The following FAM107A variants were observed in gnomAD, a reference collection of about 807,000 sequenced individuals.
FAM107A encodes family with sequence similarity 107 member A.
In FAM107A, 19 loss-of-function variants were observed where a neutral mutation model predicts 13.7. The observed-to-expected ratio is 1.38, with a 90% CI of 0.97 to 2.03. FAM107A has a LOEUF of 2.03. Among genes scored for constraint, FAM107A ranks in the 30% most tolerant of loss-of-function variants. The pLI is 0.00. For synonymous variants in FAM107A, 82 were observed against 74.5 expected (o/e 1.10, Z -0.52); for missense variants, 203 against 184.4 (o/e 1.10, Z -0.58).
exon 1 of FAM107A, chr3:58,587,025 C>G: frequency 7.3e-7 from 1 of 1,371,634 alleles, no homozygotes; most frequent in Non-Finnish European, 9.4e-7. Flanking sequence ...GCCTCCGCGA[C>G]GGTGACGCGG....
At chr3:58,587,436 G>A (rs28504201), upstream of FAM107A, among the ~76,000 whole-genome samples, 19,477 of 151,862 alleles carry the variant, frequency 0.13, 1,591 homozygotes, top group African/African-American at 0.23. Flanking sequence ...AATAACCAGA[G>A]TACTTTCCTC....
exon 1 of FAM107A, chr3:58,587,060 G>T: frequency 7.3e-7 from 1 of 1,364,834 alleles, no homozygotes; most frequent in East Asian, 3.1e-5. Flanking sequence ...CCCCGCTGAG[G>T]GTCAAGTTAC....
intron 1 of FAM107A, among the ~76,000 whole-genome samples, chr3:58,614,108 T>C (rs561030400): frequency 3.3e-5 from 5 of 152,326 alleles, no homozygotes; most frequent in African/African-American, 1.2e-4. Flanking sequence ...AGAGAGCCCG[T>C]AGCCATTTCA....
Position 58,620,252 on chromosome 3 carries a change from C to T in FAM107A, c.-70+7164G>A, listed in dbSNP as rs560863433. 3.3e-5 allele frequency among the ~76,000 whole-genome samples: 5 copies of T among 152,244 alleles called. No homozygotes were observed. The South Asian group carries it at 8.3e-4, about 25-fold the overall frequency. The stretch of plus-strand genomic sequence containing the variant: ...GAGTGTGATGGGGTTTGCCCTAGTC[C>T]GGGGAAGTGGGGAGAGTGATGGTGT... On this transcript the variant is annotated intron_variant, in intron 1 of 3. Transcript: ENST00000465970.
rs763677474 is a variant in FAM107A at position 58,566,420 on chromosome 3, C to T, written c.*168G>A. On this transcript the variant is annotated 3_prime_UTR_variant, in exon 4 of 4. Transcript: ENST00000360997. ...AGGAAAACCTAGGAGCTTAGGGGCCCCAGCCTCCCAGGGAGAGCCAGGCCC... is the reference window on the plus strand; with the variant it reads ...AGGAAAACCTAGGAGCTTAGGGGCCTCAGCCTCCCAGGGAGAGCCAGGCCC... The T allele has an allele frequency of 6.6e-5, 39 of 590,776 alleles. No individual in the cohort carries two copies. The highest frequency in any genetic ancestry group is 9.5e-5 in the Non-Finnish European group (32 of 338,216). 36.6% of individuals were successfully genotyped at this position (590,776 alleles called of 1,614,324 possible).
chr3:58,602,829 T>C (rs896641681), intron 1 of FAM107A, among the ~76,000 whole-genome samples: 1 of 152,258 alleles, frequency 6.6e-6, no homozygotes, highest in African/African-American at 2.4e-5. Flanking sequence ...ACAATGACTT[T>C]TCCACCAACC....
chr3:58,594,559 T>G (rs2108067034), intron 1 of FAM107A, among the ~76,000 whole-genome samples: 1 of 152,348 alleles, frequency 6.6e-6, no homozygotes, highest in East Asian at 1.9e-4. Flanking sequence ...CCTCTGTGGC[T>G]TCTCCACCTA....
chr3:58,617,415 A>T lies in FAM107A; in HGVS notation c.-70+10001T>A, dbSNP rs35419977. Among the ~76,000 whole-genome samples the T allele has an allele frequency of 0.096, 14,625 of 152,074 alleles. 894 individuals carry two copies. Among genetic ancestry groups the T allele is most frequent in the Non-Finnish European group, 0.13 (8,847 of 67,970 alleles). On this transcript the variant is annotated intron_variant, in intron 1 of 3. Coordinates refer to the FAM107A transcript ENST00000465970. The surrounding 1 kb of genome is among the most constrained non-coding windows in gnomAD (Gnocchi z 4.5). ...AGGCCCCGTCCTGAGCTTCCTGAGG[A>T]GCCGGATGTCACCTAGACCAAGCCA...
At chr3:58,611,434 G>T (rs1172328657) in intron 1 of FAM107A, among the ~76,000 whole-genome samples, 2 of 152,230 alleles carry the variant, frequency 1.3e-5, no homozygotes, top group African/African-American at 4.8e-5. Flanking sequence ...CAGCCAGTGT[G>T]ATGTTTGCCC....
chr3:58,611,077 C>T (rs1051397619), intron 1 of FAM107A, among the ~76,000 whole-genome samples: 1 of 152,200 alleles, frequency 6.6e-6, no homozygotes, highest in African/African-American at 2.4e-5. Context: ...ACTTCTCCTC[C>T]ATGTCACCTT....
chr3:58,570,332 T>C, intron 1 of FAM107A: 1 of 962,666 alleles, frequency 1.0e-6, no homozygotes, highest in Non-Finnish European at 1.2e-6. Context: ...TTACCCTTAT[T>C]GTCTAACTCT....
chr3:58,597,902 TTG>T (rs1333434721), intron 1 of FAM107A, among the ~76,000 whole-genome samples: 2 of 152,166 alleles, frequency 1.3e-5, no homozygotes, highest in African/African-American at 4.8e-5. Context: ...TCAGGAGCTT[TTG>T]TGTGTGTGTG....
chr3:58,566,722 A>G (rs751269880), intron 3 of FAM107A, 27 bp from the exon 4 acceptor site: 11 of 1,553,988 alleles, frequency 7.1e-6, no homozygotes, highest in Non-Finnish European at 8.9e-6. Context: ...CAGAGAGTGA[A>G]GTGGGTGGAG....
chr3:58,608,469 A>C (rs768461619), intron 1 of FAM107A, among the ~76,000 whole-genome samples: 2 of 152,184 alleles, frequency 1.3e-5, no homozygotes, highest in Non-Finnish European at 2.9e-5. Context: ...TTATCTATGG[A>C]ATAACAATAA....
At chr3:58,600,368 A>G (rs938818841) in intron 1 of FAM107A, among the ~76,000 whole-genome samples, 1 of 152,180 alleles carries the variant, frequency 6.6e-6, no homozygotes, top group African/African-American at 2.4e-5. Context: ...CTGTCTTTTA[A>G]GTGACAGCTG....
chr3:58,595,629 C>T (rs2065700838), intron 1 of FAM107A, among the ~76,000 whole-genome samples: 2 of 152,186 alleles, frequency 1.3e-5, no homozygotes, highest in African/African-American at 2.4e-5. Flanking sequence ...GATAATCCCA[C>T]CACCCTTTGC....
chr3:58,615,354 T>C (rs2065891801), intron 1 of FAM107A, among the ~76,000 whole-genome samples: 1 of 150,100 alleles, frequency 6.7e-6, no homozygotes, highest in Non-Finnish European at 1.5e-5. Flanking sequence ...TTCTTTTCAA[T>C]GTGCATTTAA....
At chr3:58,588,133 G>T (rs1017183529), upstream of FAM107A, among the ~76,000 whole-genome samples, 7 of 152,214 alleles carry the variant, frequency 4.6e-5, no homozygotes, top group African/African-American at 1.7e-4. Context: ...GGCAGGTGAG[G>T]TGGCTTGCAC....
chr3:58,601,552 T>G (rs897653259), intron 1 of FAM107A, among the ~76,000 whole-genome samples: 1 of 152,190 alleles, frequency 6.6e-6, no homozygotes, highest in Non-Finnish European at 1.5e-5. Flanking sequence ...CTGATGGATA[T>G]GTAAGTGGTT....
Sources: allele counts gnomAD v4.1 joint callset (sites outside exome capture counted in the v4.1 genomes callset), GRCh38; gene constraint gnomAD v4.1.1; non-coding constraint Gnocchi (gnomAD v3.1); transcripts MANE v1.5; gene names NCBI Gene and HGNC (gene_info 2026-07-23, HGNC 2026-07-21).